ST6GALNAC6: variants seen among roughly 807,000 people sequenced by gnomAD.
The protein encoded by ST6GALNAC6 is alpha-N-acetylgalactosaminide alpha-2,6-sialyltransferase 6.
In ST6GALNAC6, 19 loss-of-function variants were observed where a neutral mutation model predicts 34.3. The observed-to-expected ratio is 0.55, with a 90% CI of 0.39 to 0.81. ST6GALNAC6 has a LOEUF of 0.81. Among genes scored for constraint, ST6GALNAC6 ranks in the 40% least tolerant of loss-of-function variants. The pLI is 0.00. For missense variants in ST6GALNAC6, 377 were observed against 467.7 expected, an observed-to-expected ratio of 0.81 and a Z score of 1.79; for synonymous variants, 185 against 182.1, an observed-to-expected ratio of 1.02 and a Z score of -0.13.
Position 127,897,759 on chromosome 9 carries a change from C to T in ST6GALNAC6, c.26+197G>A, listed in dbSNP as rs187283805. 7 of 1,362,206 alleles carry T rather than the reference C, an allele frequency of 5.1e-6. No individual in the cohort carries two copies. In the Admixed American group the frequency reaches 1.5e-4, roughly 29 times the overall value. 84.4% of individuals were successfully genotyped at this position (1,362,206 alleles called of 1,614,324 possible). ...TTCAAGGCGCCCAGGGGTCCAGCCG[C>T]CTATATCTTACTACGCGTGGCCACC... On this transcript the variant is annotated intron_variant, in intron 2 of 6. Transcript: ENST00000373146.
In ST6GALNAC6 at chr9:127,896,274, T is replaced by G; in HGVS notation, c.85A>C (p.Ser29Arg). ...PPAGRRHLPL[S>R]RRRREMSSNK... ...CTACTCATTTCTCTCCGGCGTCTGC[T>G]GAGGGGTAGGTGTCGGCGTCCTGCA... Residue 29 changes from serine to arginine, a missense_variant, in exon 3 of 7, where the codon AGC becomes CGC. Coordinates refer to ENST00000373146, the MANE Select transcript of ST6GALNAC6 (RefSeq NM_013443.5). 1.2e-6 allele frequency: 2 copies of G among 1,614,156 alleles called. No homozygotes were observed. Among genetic ancestry groups the G allele is most frequent in the East Asian group, 2.2e-5 (1 of 44,880 alleles).
In ST6GALNAC6 at chr9:127,890,623, C is replaced by A. The variant is rs772769697; in HGVS notation, c.704+14G>T. On this transcript the variant is annotated intron_variant, in intron 5 of 6. Transcript: ENST00000373146. This position sits in a 1 kb window ranked among gnomAD's most constrained non-coding sequence, Gnocchi z 4.3. ...CACAGTGCTGGCCAGAGGGGGCAGGCAGGAGGCTGGTACCTGTCCTTGCCC... is the reference window on the plus strand; with the variant it reads ...CACAGTGCTGGCCAGAGGGGGCAGGAAGGAGGCTGGTACCTGTCCTTGCCC... 1 of 1,612,920 alleles carries A rather than the reference C, an allele frequency of 6.2e-7. No individual in the cohort carries two copies. Among genetic ancestry groups the A allele is most frequent in the Admixed American group, 1.7e-5 (1 of 59,998 alleles).
chr9:127,897,320 C>A, intron 2 of ST6GALNAC6: 1 of 985,830 alleles, frequency 1.0e-6, no homozygotes. Flanking sequence ...TCAGCTCCGT[C>A]CCCTGCTCCA....
At chr9:127,901,317 G>A (rs572083045), upstream of ST6GALNAC6, among the ~76,000 whole-genome samples, 1 of 152,344 alleles carries the variant, frequency 6.6e-6, no homozygotes, top group East Asian at 1.9e-4. Flanking sequence ...GGGGCCGGGC[G>A]CGGTGGCTCA....
rs1221642608 is a variant in ST6GALNAC6, at chr9:127,886,267, T to A, written c.*332A>T. The A allele has an allele frequency of 2.0e-6, 1 of 490,376 alleles. No homozygotes were observed. Among genetic ancestry groups the A allele is most frequent in the African/African-American group, 2.0e-5 (1 of 50,420 alleles). 30.4% of individuals were successfully genotyped at this position (490,376 alleles called of 1,614,324 possible). A position where few individuals can be genotyped will look rare whatever the true frequency, so the allele number is the denominator to read the frequency against. ...GAGTGGGGAGTGATTGGGGGGTCCA[T>A]TCCTGGGGCTCTGAACCAAGGCCTC... On this transcript the variant is annotated 3_prime_UTR_variant, in exon 7 of 7. Coordinates refer to ENST00000373146, the MANE Select transcript of ST6GALNAC6 (RefSeq NM_013443.5).
At position 127,890,995 on chromosome 9, in the gene ST6GALNAC6, G is replaced by A. The variant is rs1385025432; in HGVS notation, c.346C>T (p.His116Tyr). 10 of 1,614,130 alleles carry A rather than the reference G, an allele frequency of 6.2e-6. No individual in the cohort carries two copies. The highest frequency in any genetic ancestry group is 8.5e-6 in the Non-Finnish European group (10 of 1,180,034). ...HQCVIVSSSSHLLGTKLGPEI... is the reference protein window; with the variant it reads ...HQCVIVSSSSYLLGTKLGPEI... ...GGGCCCAGCTTGGTGCCCAGCAGGT[G>A]GCTGGAGCTGCTGACAATCACACAC... Residue 116 changes from histidine (H) to tyrosine (Y), a missense_variant, in exon 5 of 7, where the codon CAC becomes TAC. Physicochemically the swap from His to Tyr is moderately conservative, Grantham distance 83. Transcript: ENST00000373146. The surrounding 1 kb of genome is among the most constrained non-coding windows in gnomAD (Gnocchi z 4.3).
upstream of ST6GALNAC6, among the ~76,000 whole-genome samples, chr9:127,906,616 C>T (rs1357939033): frequency 1.3e-5 from 2 of 152,182 alleles, no homozygotes. Flanking sequence ...CTGAGGATGG[C>T]AAGGTTCCGC....
chr9:127,898,474 C>T (rs905907108), intron 1 of ST6GALNAC6, among the ~76,000 whole-genome samples: 1 of 152,204 alleles, frequency 6.6e-6, no homozygotes, highest in Non-Finnish European at 1.5e-5. Context: ...ATGCCAACAG[C>T]TGTTAGTCTT....
chr9:127,899,435 C>T (rs1830662845), intron 1 of ST6GALNAC6, 68 bp downstream of exon 1: 2 of 762,168 alleles, frequency 2.6e-6, no homozygotes, highest in Non-Finnish European at 3.2e-6. Flanking sequence ...CCTCTCCCGG[C>T]GCCCTCCGCC....
chr9:127,886,879 T>C (rs1829797221), intron 6 of ST6GALNAC6, 91 bp from the exon 7 acceptor site: 2 of 1,329,066 alleles, frequency 1.5e-6, no homozygotes, highest in Non-Finnish European at 1.0e-6. Context: ...AGGACCTCAA[T>C]AGGAGAAATC....
Position 127,890,813 on chromosome 9 carries a change from A to T in ST6GALNAC6, c.528T>A (p.Pro176=). Residue 176 remains proline, a synonymous_variant, in exon 5 of 7, where the codon CCT becomes CCA. Transcript: ENST00000373146. The surrounding 1 kb of genome is among the most constrained non-coding windows in gnomAD (Gnocchi z 4.3). ...RRPQEFVNRT[P]ETVFIFWGPP... ...GCCCCCAGAAGATGAACACGGTTTC[A>T]GGGGTCCGGTTGACAAACTCCTGGG... The T allele has an allele frequency of 6.2e-7, 1 of 1,613,772 alleles. No individual in the cohort carries two copies. The highest frequency in any genetic ancestry group is 1.1e-5 in the South Asian group (1 of 91,074).
upstream of ST6GALNAC6, among the ~76,000 whole-genome samples, chr9:127,901,653 C>T (rs569268323): frequency 4.7e-5 from 7 of 148,046 alleles, no homozygotes; most frequent in South Asian, 2.1e-4. Flanking sequence ...AAAAATAGAC[C>T]GGGTGCGGTG....
intron 6 of ST6GALNAC6, 114 bp from the exon 7 acceptor site, chr9:127,886,902 G>A (rs1263600542): frequency 9.2e-7 from 1 of 1,086,492 alleles, no homozygotes; most frequent in African/African-American, 1.6e-5. Flanking sequence ...CATGCCTCCT[G>A]GGGCCTCGGT....
In ST6GALNAC6 at chr9:127,894,526, T is replaced by C; in HGVS notation, c.283A>G (p.Ile95Val). 1 of 1,613,872 alleles carries C rather than the reference T, an allele frequency of 6.2e-7. No homozygotes were observed. The highest frequency in any genetic ancestry group is 8.5e-7 in the Non-Finnish European group (1 of 1,179,996). Residue 95 changes from isoleucine (I) to valine (V), a missense_variant, in exon 4 of 7, where the codon ATT becomes GTT. Coordinates refer to ENST00000373146, the MANE Select transcript of ST6GALNAC6 (RefSeq NM_013443.5). ...KWSITDGYVP[I>V]LGNKTLPSRC... Reference sequence around the variant, plus strand: ...AGCTGCGCTACCTTGTTGCCGAGAATGGGGACATAGCCGTCAGTGATGCTC... The same window carrying C: ...AGCTGCGCTACCTTGTTGCCGAGAACGGGGACATAGCCGTCAGTGATGCTC...
rs373832859 is a variant in ST6GALNAC6, at chr9:127,896,267, C to T, written c.92G>A (p.Arg31His). The change falls in exon 3 of 7, where the codon CGC (arginine) becomes CAC (histidine). Residue 31 changes from arginine to histidine, a missense_variant. Coordinates refer to ENST00000373146, the MANE Select transcript of ST6GALNAC6 (RefSeq NM_013443.5). ...TTTGTTGCTACTCATTTCTCTCCGG[C>T]GTCTGCTGAGGGGTAGGTGTCGGCG... is the stretch of plus-strand genomic sequence containing the variant. ...AGRRHLPLSRRRREMSSNKEQ... is the reference protein window; with the variant it reads ...AGRRHLPLSRHRREMSSNKEQ... 106 of 1,614,084 alleles carry T rather than the reference C, an allele frequency of 6.6e-5. No individual in the cohort carries two copies. Among genetic ancestry groups the T allele is most frequent in the Middle Eastern group, 3.3e-4 (2 of 6,060 alleles).
chr9:127,894,168 G>A (rs1004520253), intron 4 of ST6GALNAC6, among the ~76,000 whole-genome samples: 5 of 152,162 alleles, frequency 3.3e-5, no homozygotes, highest in African/African-American at 7.2e-5. Flanking sequence ...AAAGGCAGCC[G>A]GTATTATTAC....
At chr9:127,895,409 G>A (rs926298795) in intron 3 of ST6GALNAC6, among the ~76,000 whole-genome samples, 1 of 152,128 alleles carries the variant, frequency 6.6e-6, no homozygotes, top group South Asian at 2.1e-4. Flanking sequence ...CAGCTTCTCC[G>A]AAGTCCAGCT....
In ST6GALNAC6 at chr9:127,887,543, G is replaced by A. The variant is rs375529544; in HGVS notation, c.753C>T (p.Ile251=). 23 of 1,612,820 alleles carry A rather than the reference G, an allele frequency of 1.4e-5. No homozygotes were observed. Among genetic ancestry groups the A allele is most frequent in the Middle Eastern group, 1.6e-4 (1 of 6,084 alleles). Residue 251 remains isoleucine, a synonymous_variant, in exon 6 of 7, where the codon ATC becomes ATT. Transcript: ENST00000373146. The stretch of plus-strand genomic sequence containing the variant: ...GCACGTGGTCACACAACTCCACCGC[G>A]ATCACCATGGTAAACCAGCCTGTGC... ...WLSTGWFTMV[I]AVELCDHVHV...
intron 5 of ST6GALNAC6, among the ~76,000 whole-genome samples, chr9:127,888,520 A>C (rs1447087623): frequency 6.7e-6 from 1 of 149,952 alleles, no homozygotes; most frequent in Non-Finnish European, 1.5e-5. Context: ...AAAAAAAAAA[A>C]AAAATAGGCC....
Sources: allele counts gnomAD v4.1 joint callset (sites outside exome capture counted in the v4.1 genomes callset), GRCh38; gene constraint gnomAD v4.1.1; non-coding constraint Gnocchi (gnomAD v3.1); transcripts MANE v1.5; gene names NCBI Gene and HGNC (gene_info 2026-07-23, HGNC 2026-07-21).